The following PCDHB9 variants were observed in gnomAD, a reference collection of about 807,000 sequenced individuals.
PCDHB9 encodes the protein protocadherin beta-9.
For synonymous variants in PCDHB9, 501 were observed against 439.7 expected (o/e 1.14, Z -1.75); for missense variants, 1,072 against 995.1 (o/e 1.08, Z -1.04).
chr5:141,189,654 G>A lies in PCDHB9; in HGVS notation c.2336G>A (p.Gly779Asp), dbSNP rs1554283428. ...ACCCCCCACCTCCCGCCCCATAGGG[G>A]TGGGAAAGAAATAGAGGAAAATTCT... ...PITPHLPPHR[G>D]GKEIEENSTL... is the part of the protein sequence containing the mutation. Residue 779 changes from glycine (G) to aspartate (D), a missense_variant, in exon 1 of 1, where the codon GGT becomes GAT. Gly to Asp is a moderately conservative substitution (Grantham distance 94). Transcript: ENST00000316105. The A allele has an allele frequency of 6.2e-7, 1 of 1,613,634 alleles. No homozygotes were observed. Among genetic ancestry groups the A allele is most frequent in the South Asian group, 1.1e-5 (1 of 91,066 alleles).
Position 141,189,788 on chromosome 5 carries a change from C to A in PCDHB9, c.*76C>A. The A allele has an allele frequency of 7.9e-7, 1 of 1,262,022 alleles. No individual in the cohort carries two copies. Among genetic ancestry groups the A allele is most frequent in the Non-Finnish European group, 1.1e-6 (1 of 909,988 alleles). The allele number at this position is 1,262,022 out of a possible 1,614,324, so 78.2% of individuals were successfully genotyped here. ...CTAACTAAATTGTGTATGCCCACCA[C>A]AAAGAAGGTACTATTTTTTGTTTGA... On this transcript the variant is annotated 3_prime_UTR_variant, in exon 1 of 1. Transcript: ENST00000316105.
chr5:141,188,408 G>C lies in PCDHB9; in HGVS notation c.1090G>C (p.Val364Leu). 1 of 1,614,154 alleles carries C rather than the reference G, an allele frequency of 6.2e-7. No individual in the cohort carries two copies. The highest frequency in any genetic ancestry group is 8.5e-7 in the Non-Finnish European group (1 of 1,180,012). Residue 364 changes from valine (V) to leucine (L), a missense_variant, in exon 1 of 1, where the codon GTA becomes CTA. Transcript: ENST00000316105. ...TGTTGCTGAAAACTCTCCTGGGATA[G>C]TATTGGCTGTTTTTAAGATTAAAGA... ...NSVAENSPGI[V>L]LAVFKIKDRD...
rs1753859199 is a variant in PCDHB9, at chr5:141,189,931, T to A, written c.*219T>A. The A allele has an allele frequency of 2.3e-6, 1 of 441,148 alleles. No homozygotes were observed. The allele number at this position is 441,148 out of a possible 1,614,324, so 27.3% of individuals were successfully genotyped here. A position where few individuals can be genotyped will look rare whatever the true frequency, so the allele number is the denominator to read the frequency against. ...AAGTGAAATATAATATTTTTCAAAG[T>A]TGATATCATTTAAAAATTTTTGGTC... On this transcript the variant is annotated 3_prime_UTR_variant, in exon 1 of 1. Coordinates refer to ENST00000316105, the MANE Select transcript of PCDHB9 (RefSeq NM_019119.5).
Position 141,191,376 on chromosome 5 carries a change from T to A in PCDHB9, c.*1664T>A, listed in dbSNP as rs1554283698. 2.0e-5 allele frequency: 3 copies of A among 152,220 alleles called. No homozygotes were observed. The allele number at this position is 152,220 out of a possible 1,614,324, so 9.4% of individuals were successfully genotyped here. On this transcript the variant is annotated 3_prime_UTR_variant, in exon 1 of 1. Coordinates refer to ENST00000316105, the MANE Select transcript of PCDHB9 (RefSeq NM_019119.5). ...TTAAGATAGGTGTTAGTGTGGTCTG[T>A]TCTTTACCTCCCTTTATTTGGTGCA...
Position 141,187,469 on chromosome 5 carries a change from G to A in PCDHB9, c.151G>A (p.Asp51Asn). The change falls in exon 1 of 1, where the codon GAT becomes AAT. Residue 51 changes from aspartate (D) to asparagine (N), a missense_variant. Physicochemically the swap from Asp to Asn is conservative, Grantham distance 23 (BLOSUM62 1). Coordinates refer to ENST00000316105, the MANE Select transcript of PCDHB9 (RefSeq NM_019119.5). ...ATCCTTTGTGGTCAATCTGGCAAAGGATCTGGGACTAGCAGAGGGGGAGCT... is the reference window on the plus strand; with the variant it reads ...ATCCTTTGTGGTCAATCTGGCAAAGAATCTGGGACTAGCAGAGGGGGAGCT... ...KGSFVVNLAK[D>N]LGLAEGELAA... 1.9e-6 allele frequency: 3 copies of A among 1,613,698 alleles called. No individual in the cohort carries two copies. In the South Asian group the frequency reaches 3.3e-5, roughly 18 times the overall value.
rs1354082684 is a variant in PCDHB9, at chr5:141,187,927, G to A, written c.609G>A (p.Glu203=). Residue 203 remains glutamate (E), a synonymous_variant, in exon 1 of 1, where the codon GAG becomes GAA. Coordinates refer to ENST00000316105, the MANE Select transcript of PCDHB9 (RefSeq NM_019119.5). ...ELVLDKALDR[E]EQEELSLTLT... Reference sequence around the variant, plus strand: ...TGTTGGACAAAGCACTGGATCGGGAGGAGCAGGAAGAGCTCAGCTTAACCC... The same window carrying A: ...TGTTGGACAAAGCACTGGATCGGGAAGAGCAGGAAGAGCTCAGCTTAACCC... 6 of 1,614,048 alleles carry A rather than the reference G, an allele frequency of 3.7e-6. No individual in the cohort carries two copies. The African/African-American group carries it at 8.0e-5, about 22-fold the overall frequency.
rs1753900712 is a variant in PCDHB9 at position 141,191,386 on chromosome 5, C to T, written c.*1674C>T. 6.6e-6 allele frequency: 1 copy of T among 152,166 alleles called. No homozygotes were observed. Among genetic ancestry groups the T allele is most frequent in the Admixed American group, 6.5e-5 (1 of 15,280 alleles). The allele number at this position is 152,166 out of a possible 1,614,324, so 9.4% of individuals were successfully genotyped here. On this transcript the variant is annotated 3_prime_UTR_variant, in exon 1 of 1. Coordinates refer to ENST00000316105, the MANE Select transcript of PCDHB9 (RefSeq NM_019119.5). ...TGTTAGTGTGGTCTGTTCTTTACCTCCCTTTATTTGGTGCAGAGAAGTTAG... is the reference window on the plus strand; with the variant it reads ...TGTTAGTGTGGTCTGTTCTTTACCTTCCTTTATTTGGTGCAGAGAAGTTAG...
In PCDHB9 at chr5:141,188,319, T is replaced by G; in HGVS notation, c.1001T>G (p.Leu334Trp). 6.2e-7 allele frequency: 1 copy of G among 1,614,170 alleles called. No homozygotes were observed. The highest frequency in any genetic ancestry group is 8.5e-7 in the Non-Finnish European group (1 of 1,180,010). Residue 334 changes from leucine (L) to tryptophan (W), a missense_variant, in exon 1 of 1, where the codon TTG (leucine) becomes TGG (tryptophan). Transcript: ENST00000316105. Reference sequence around the variant, plus strand: ...GGCCTTTCTGCAAGATGTACAGTTTTGATAAAAGTATTAGATTCCAATGAC... The same window carrying G: ...GGCCTTTCTGCAAGATGTACAGTTTGGATAAAAGTATTAGATTCCAATGAC... The part of the protein sequence containing the change: ...GGGLSARCTV[L>W]IKVLDSNDNP...
Position 141,189,192 on chromosome 5 carries a change from G to T in PCDHB9, c.1874G>T (p.Arg625Leu), listed in dbSNP as rs782490536. The stretch of plus-strand genomic sequence containing the variant: ...GTGTGGGCGCACAATGGGGAGGTGC[G>T]CACCGCCAGGCTGCTGAGCGAGCGC... Reference protein sequence around the residue: ...FGVWAHNGEVRTARLLSERDA... With the variant: ...FGVWAHNGEVLTARLLSERDA... The change falls in exon 1 of 1, where the codon CGC becomes CTC. Residue 625 changes from arginine (R) to leucine (L), a missense_variant. Arg to Leu is a moderately radical substitution (Grantham distance 102). Coordinates refer to ENST00000316105, the MANE Select transcript of PCDHB9 (RefSeq NM_019119.5). 2 of 1,603,032 alleles carry T rather than the reference G, an allele frequency of 1.2e-6. No homozygotes were observed. Among genetic ancestry groups the T allele is most frequent in the African/African-American group, 2.7e-5 (2 of 74,798 alleles).
chr5:141,189,546 G>T lies in PCDHB9; in HGVS notation c.2228G>T (p.Gly743Val). Residue 743 changes from glycine to valine, a missense_variant, in exon 1 of 1, where the codon GGG becomes GTG. Physicochemically the swap from Gly to Val is moderately radical, Grantham distance 109. Coordinates refer to ENST00000316105, the MANE Select transcript of PCDHB9 (RefSeq NM_019119.5). ...PGHLVDVSGT[G>V]TLFQSYQYEV... ...CATCTGGTGGACGTGAGCGGCACCGGGACCCTGTTCCAGAGCTACCAGTAC... is the reference window on the plus strand; with the variant it reads ...CATCTGGTGGACGTGAGCGGCACCGTGACCCTGTTCCAGAGCTACCAGTAC... The T allele has an allele frequency of 6.2e-7, 1 of 1,614,044 alleles. No homozygotes were observed. The highest frequency in any genetic ancestry group is 1.3e-5 in the African/African-American group (1 of 75,016).
In PCDHB9 at chr5:141,190,792, C is replaced by A. The variant is rs1753886341; in HGVS notation, c.*1080C>A. On this transcript the variant is annotated 3_prime_UTR_variant, in exon 1 of 1. Coordinates refer to ENST00000316105, the MANE Select transcript of PCDHB9 (RefSeq NM_019119.5). ...TTTTTAATGGCTAATAGCCCAGTGC[C>A]ATCCAGTTGAAAAAACAACAGCAAT... 1 of 152,084 alleles carries A rather than the reference C, an allele frequency of 6.6e-6. No homozygotes were observed. The highest frequency in any genetic ancestry group is 2.4e-5 in the African/African-American group (1 of 41,388). 9.4% of individuals were successfully genotyped at this position (152,084 alleles called of 1,614,324 possible).
rs1753798820 is a variant in PCDHB9 at position 141,188,497 on chromosome 5, G to C, written c.1179G>C (p.Leu393=). 6.2e-7 allele frequency: 1 copy of C among 1,613,928 alleles called. No individual in the cohort carries two copies. Among genetic ancestry groups the C allele is most frequent in the Non-Finnish European group, 8.5e-7 (1 of 1,179,948 alleles). ...CYVQDNLPFF[L]KPSVDNFYIL... The stretch of plus-strand genomic sequence containing the variant: ...TTCAAGATAATCTGCCTTTTTTTCT[G>C]AAACCGTCTGTTGACAATTTTTACA... The change falls in exon 1 of 1, where the codon CTG becomes CTC. Residue 393 remains leucine, a synonymous_variant. Transcript: ENST00000316105.
At position 141,187,161 on chromosome 5, in the gene PCDHB9, A is replaced by G. The variant is rs1753755230; in HGVS notation, c.-158A>G. The stretch of plus-strand genomic sequence containing the variant: ...CGGAAGTCCTTGACAAAAAGGAAAC[A>G]CTGAGACAGATGGGCTGAGAAGAAG... On this transcript the variant is annotated 5_prime_UTR_variant, in exon 1 of 1. Coordinates refer to ENST00000316105, the MANE Select transcript of PCDHB9 (RefSeq NM_019119.5). The G allele has an allele frequency of 8.5e-7, 1 of 1,172,358 alleles. No homozygotes were observed. Among genetic ancestry groups the G allele is most frequent in the African/African-American group, 1.6e-5 (1 of 64,480 alleles). The allele number at this position is 1,172,358 out of a possible 1,614,324, so 72.6% of individuals were successfully genotyped here.
At position 141,189,726 on chromosome 5, in the gene PCDHB9, A is replaced by T. The variant is rs1753853958; in HGVS notation, c.*14A>T. ...TTTAATTATTGAAAGGAACCCACTT[A>T]ATAAAGACATTTACTTCTTTAATAT... On this transcript the variant is annotated 3_prime_UTR_variant, in exon 1 of 1. Coordinates refer to ENST00000316105, the MANE Select transcript of PCDHB9 (RefSeq NM_019119.5). The T allele has an allele frequency of 1.9e-6, 3 of 1,547,398 alleles. No individual in the cohort carries two copies. Among genetic ancestry groups the T allele is most frequent in the Non-Finnish European group, 2.6e-6 (3 of 1,146,082 alleles).
At position 141,188,943 on chromosome 5, in the gene PCDHB9, G is replaced by A; in HGVS notation, c.1625G>A (p.Ser542Asn). The A allele has an allele frequency of 6.2e-7, 1 of 1,611,926 alleles. No individual in the cohort carries two copies. The highest frequency in any genetic ancestry group is 8.5e-7 in the Non-Finnish European group (1 of 1,179,796). ...GASDRGSPAL[S>N]SEALVRVLVL... ...TCAGACCGCGGCTCCCCGGCTTTGAGCAGCGAGGCGCTGGTGCGCGTACTG... is the reference window on the plus strand; with the variant it reads ...TCAGACCGCGGCTCCCCGGCTTTGAACAGCGAGGCGCTGGTGCGCGTACTG... Residue 542 changes from serine (S) to asparagine (N), a missense_variant, in exon 1 of 1, where the codon AGC (serine) becomes AAC (asparagine). Ser to Asn is a conservative substitution (Grantham distance 46, BLOSUM62 1). Coordinates refer to ENST00000316105, the MANE Select transcript of PCDHB9 (RefSeq NM_019119.5).
In PCDHB9 at chr5:141,187,446, C is replaced by G. The variant is rs782769511; in HGVS notation, c.128C>G (p.Ser43Cys). The G allele has an allele frequency of 3.1e-6, 5 of 1,613,750 alleles. No individual in the cohort carries two copies. The South Asian group carries it at 4.4e-5, about 14-fold the overall frequency. The part of the protein sequence containing the change: ...YSVTEETEKG[S>C]FVVNLAKDLG... Reference sequence around the variant, plus strand: ...GTGACTGAGGAAACAGAGAAAGGATCCTTTGTGGTCAATCTGGCAAAGGAT... The same window carrying G: ...GTGACTGAGGAAACAGAGAAAGGATGCTTTGTGGTCAATCTGGCAAAGGAT... Residue 43 changes from serine (S) to cysteine (C), a missense_variant, in exon 1 of 1, where the codon TCC becomes TGC. By Grantham distance (112) the Ser-to-Cys change is moderately radical. Transcript: ENST00000316105.
Position 141,188,525 on chromosome 5 carries a change from C to G in PCDHB9, c.1207C>G (p.Leu403Val), listed in dbSNP as rs782746516. The G allele has an allele frequency of 1.9e-6, 3 of 1,614,202 alleles. No individual in the cohort carries two copies. Among genetic ancestry groups the G allele is most frequent in the Admixed American group, 1.7e-5 (1 of 60,022 alleles). ...ACCGTCTGTTGACAATTTTTACATC[C>G]TAATGACTGAAGGTGCACTGGACAG... Reference protein sequence around the residue: ...LKPSVDNFYILMTEGALDRES... With the variant: ...LKPSVDNFYIVMTEGALDRES... The change falls in exon 1 of 1, where the codon CTA becomes GTA. Residue 403 changes from leucine (L) to valine (V), a missense_variant. Leu to Val is a conservative substitution (Grantham distance 32). Transcript: ENST00000316105.
Position 141,188,417 on chromosome 5 carries a change from GT to G in PCDHB9, c.1104del (p.Phe368LeufsTer26). 2 of 1,614,124 alleles carry G rather than the reference GT, an allele frequency of 1.2e-6. No homozygotes were observed. Among genetic ancestry groups the G allele is most frequent in the Non-Finnish European group, 8.5e-7 (1 of 1,180,006 alleles). On this transcript the variant is annotated frameshift_variant, in exon 1 of 1. Coordinates refer to ENST00000316105, the MANE Select transcript of PCDHB9 (RefSeq NM_019119.5). LOFTEE classifies it low-confidence loss of function (END_TRUNC). ...AAACTCTCCTGGGATAGTATTGGCTGTTTTTAAGATTAAAGACAGAGACTCC... is the reference window on the plus strand; with the variant it reads ...AAACTCTCCTGGGATAGTATTGGCTGTTTTAAGATTAAAGACAGAGACTCC... ...AENSPGIVLAVFKIKDRDSGE... is the reference protein window; with the variant it reads ...AENSPGIVLAXFKIKDRDSGE...
At position 141,188,746 on chromosome 5, in the gene PCDHB9, A is replaced by G. The variant is rs1554283110; in HGVS notation, c.1428A>G (p.Thr476=). The change falls in exon 1 of 1, where the codon ACA becomes ACG. Residue 476 remains threonine (T), a synonymous_variant. Coordinates refer to ENST00000316105, the MANE Select transcript of PCDHB9 (RefSeq NM_019119.5). The stretch of plus-strand genomic sequence containing the variant: ...TGCACATCGGCAGTGTCAGCGCCAC[A>G]GACAGAGACTCAGGCACCAACGCCC... ...PALHIGSVSA[T]DRDSGTNAQV... is the part of the protein sequence containing the mutation. 1 of 1,613,134 alleles carries G rather than the reference A, an allele frequency of 6.2e-7. No individual in the cohort carries two copies. Among genetic ancestry groups the G allele is most frequent in the African/African-American group, 1.3e-5 (1 of 74,870 alleles).
Sources: gnomAD v4.1 joint callset for allele counts on GRCh38, gnomAD v4.1.1 for gene constraint, MANE v1.5 for transcripts, NCBI Gene and HGNC (gene_info 2026-07-23, HGNC 2026-07-21) for gene names.